GALNT2: variants seen among roughly 807,000 people sequenced by gnomAD.
GALNT2 encodes the protein UDP-GalNAc:polypeptide N-acetylgalactosaminyltransferase 2.
Under a neutral mutation model 81.4 loss-of-function variants are expected in GALNT2, and 31 were observed. The observed-to-expected ratio is 0.38, with a 90% confidence interval of 0.29 to 0.51. The LOEUF (loss-of-function observed/expected upper bound fraction) is 0.51, where lower values mean the gene tolerates loss of function less well. Ranked by LOEUF, GALNT2 falls within the 20% of genes least tolerant of loss-of-function variation. The pLI, the probability that GALNT2 is intolerant of heterozygous loss-of-function variation, is 0.87. For missense variants in GALNT2, 629 were observed against 765.7 expected, an observed-to-expected ratio of 0.82 and a Z score of 2.11; for synonymous variants, 303 against 287.4, an observed-to-expected ratio of 1.05 and a Z score of -0.55.
intron 1 of GALNT2, among the ~76,000 whole-genome samples, chr1:230,138,791 A>G (rs1235424253): frequency 6.6e-6 from 1 of 152,156 alleles, no homozygotes. Flanking sequence ...AGCGTCTTTT[A>G]GCTATTGTGT....
At chr1:230,132,734 T>A (rs968938009) in intron 1 of GALNT2, among the ~76,000 whole-genome samples, 8 of 152,240 alleles carry the variant, frequency 5.3e-5, no homozygotes, top group Non-Finnish European at 1.2e-4. Context: ...GTGACTATTT[T>A]GTTGCAAAAT....
chr1:230,098,652 A>T (rs1041621575), intron 1 of GALNT2, among the ~76,000 whole-genome samples: 6 of 151,968 alleles, frequency 3.9e-5, no homozygotes, highest in African/African-American at 1.5e-4. Context: ...TTCCAAAGGG[A>T]TACGTAGGAC....
intron 14 of GALNT2, among the ~76,000 whole-genome samples, chr1:230,272,930 G>A (rs1412150892): frequency 2.0e-5 from 3 of 151,996 alleles, no homozygotes; most frequent in Non-Finnish European, 4.4e-5. Flanking sequence ...TGCCACACCC[G>A]GTCAACTTAT....
At chr1:230,226,074 G>C (rs1664700363) in intron 3 of GALNT2, among the ~76,000 whole-genome samples, 2 of 152,228 alleles carry the variant, frequency 1.3e-5, no homozygotes, top group South Asian at 4.1e-4. Flanking sequence ...TCAGAGTCCT[G>C]AATGAGGAGC....
rs920316095 is a variant in GALNT2, at chr1:230,262,659, A to G, written c.1223A>G (p.Tyr408Cys). The G allele has an allele frequency of 6.3e-7, 1 of 1,586,144 alleles. No homozygotes were observed. The highest frequency in any genetic ancestry group is 8.6e-7 in the Non-Finnish European group (1 of 1,159,048). ...AAVPSARNVP[Y>C]GNIQSRLELR... ...GTGCCTTCTGCTAGAAACGTTCCTTATGGAAAGTAAGTGGCAGTTCTGCCT... is the reference window on the plus strand; with the variant it reads ...GTGCCTTCTGCTAGAAACGTTCCTTGTGGAAAGTAAGTGGCAGTTCTGCCT... The change falls in exon 12 of 16, where the codon TAT becomes TGT. Residue 408 changes from tyrosine to cysteine, a missense_variant. Coordinates refer to ENST00000366672, the MANE Select transcript of GALNT2 (RefSeq NM_004481.5).
intron 14 of GALNT2, among the ~76,000 whole-genome samples, chr1:230,273,378 G>A (rs1174589981): frequency 6.6e-6 from 1 of 152,224 alleles, no homozygotes; most frequent in African/African-American, 2.4e-5. Flanking sequence ...CAGACAGACG[G>A]AGGGGAGGGC....
At chr1:230,066,702 C>A (rs1217264972), upstream of GALNT2, among the ~76,000 whole-genome samples, 1 of 152,228 alleles carries the variant, frequency 6.6e-6, no homozygotes, top group Non-Finnish European at 1.5e-5. Flanking sequence ...TCTGAGGTGG[C>A]CCCAAAGACC....
rs187389919 is a variant in GALNT2, at chr1:230,100,412, C to T, written c.126+33006C>T. On this transcript the variant is annotated intron_variant, in intron 1 of 15. Coordinates refer to ENST00000366672, the MANE Select transcript of GALNT2 (RefSeq NM_004481.5). ...CGCGACCTCGGCTCACTGCAAACTC[C>T]GCCTCCGGGTTCAAGTGATTCTCCT... 1.5e-3 allele frequency among the ~76,000 whole-genome samples: 226 copies of T among 150,462 alleles called. 1 individual carries two copies. The highest frequency in any genetic ancestry group is 4.7e-4 in the Non-Finnish European group (32 of 67,724).
At chr1:230,058,284 C>T (rs796932889) in intron 1 of GALNT2, among the ~76,000 whole-genome samples, 1 of 152,088 alleles carries the variant, frequency 6.6e-6, no homozygotes, top group Non-Finnish European at 1.5e-5. Flanking sequence ...GGCGGCACGG[C>T]GACATATTCC....
intron 1 of GALNT2, among the ~76,000 whole-genome samples, chr1:230,163,278 T>C (rs1234329939): frequency 6.6e-6 from 1 of 152,176 alleles, no homozygotes; most frequent in Non-Finnish European, 1.5e-5. Context: ...TTCCATGGAG[T>C]GCGCACATCT....
chr1:230,250,333 G>A (rs890906130), intron 9 of GALNT2, 124 bp from the exon 10 acceptor site: 4 of 717,846 alleles, frequency 5.6e-6, no homozygotes, highest in Non-Finnish European at 1.0e-5. Context: ...CAGTGGCAGT[G>A]TGGCTGTTCT....
intron 14 of GALNT2, among the ~76,000 whole-genome samples, chr1:230,266,704 G>A (rs1487643831): frequency 6.6e-6 from 1 of 152,214 alleles, no homozygotes; most frequent in Non-Finnish European, 1.5e-5. Context: ...GACTGGGCCA[G>A]TCCCCATCCA....
At chr1:230,213,036 G>T (rs1456153102) in intron 3 of GALNT2, among the ~76,000 whole-genome samples, 2 of 152,198 alleles carry the variant, frequency 1.3e-5, no homozygotes, top group Non-Finnish European at 2.9e-5. Flanking sequence ...CTTAACCCCT[G>T]AGTGGCTGCC....
At chr1:230,207,066 T>G (rs911815570) in intron 3 of GALNT2, among the ~76,000 whole-genome samples, 1 of 151,932 alleles carries the variant, frequency 6.6e-6, no homozygotes, top group African/African-American at 2.4e-5. Flanking sequence ...CTTATTTTTT[T>G]CTTCCGAATA....
At chr1:230,171,223 G>A (rs1294186372) in intron 1 of GALNT2, among the ~76,000 whole-genome samples, 2 of 152,164 alleles carry the variant, frequency 1.3e-5, no homozygotes, top group Non-Finnish European at 2.9e-5. Context: ...GGTCTTTAGC[G>A]GGAAACTAAG....
At chr1:230,062,463 T>A (rs1571916505), upstream of GALNT2, among the ~76,000 whole-genome samples, 1 of 152,336 alleles carries the variant, frequency 6.6e-6, no homozygotes, top group East Asian at 1.9e-4. Flanking sequence ...CAGAATGTTA[T>A]CATCTCAAAC....
At position 230,209,821 on chromosome 1, in the gene GALNT2, C is replaced by T. The variant is rs1664178387; in HGVS notation, c.374+6531C>T. Among the ~76,000 whole-genome samples, 3 of 130,838 alleles carry T rather than the reference C, an allele frequency of 2.3e-5. No individual in the cohort carries two copies. The South Asian group carries it at 7.4e-4, about 32-fold the overall frequency. 85.8% of individuals were successfully genotyped at this position (130,838 alleles called of 152,430 possible). ...CCTGGGTGGCAGAGCAAGACCTTGTCTCAAAAAAAAAAAAAAAGTCTATTG... is the reference window on the plus strand; with the variant it reads ...CCTGGGTGGCAGAGCAAGACCTTGTTTCAAAAAAAAAAAAAAAGTCTATTG... On this transcript the variant is annotated intron_variant, in intron 3 of 15. Coordinates refer to ENST00000366672, the MANE Select transcript of GALNT2 (RefSeq NM_004481.5).
At chr1:230,139,626 T>C (rs1661664954) in intron 1 of GALNT2, among the ~76,000 whole-genome samples, 1 of 152,198 alleles carries the variant, frequency 6.6e-6, no homozygotes, top group South Asian at 2.1e-4. Flanking sequence ...TGTAAGAAAA[T>C]GGCCACCAAT....
chr1:230,119,875 G>C (rs1418123859), intron 1 of GALNT2, among the ~76,000 whole-genome samples: 1 of 152,108 alleles, frequency 6.6e-6, no homozygotes, highest in Non-Finnish European at 1.5e-5. Context: ...TGCTTGAGGT[G>C]GGCCCTACAT....
Sources: allele counts gnomAD v4.1 joint callset (sites outside exome capture counted in the v4.1 genomes callset), GRCh38; gene constraint gnomAD v4.1.1; transcripts MANE v1.5; gene names NCBI Gene and HGNC (gene_info 2026-07-23, HGNC 2026-07-21).